The following METTL9 variants were observed in gnomAD, a reference collection of about 807,000 sequenced individuals.
METTL9 encodes protein-L-histidine N-pros-methyltransferase.
Under a neutral mutation model 36.0 loss-of-function variants are expected in METTL9, and 10 were observed. The ratio of observed to expected loss-of-function variants is 0.28; its 90% CI spans 0.17 to 0.47. METTL9 has a LOEUF of 0.47. Ranked by LOEUF, METTL9 falls within the 20% of genes least tolerant of loss-of-function variation. METTL9 has a pLI of 0.99. For missense variants in METTL9, 246 were observed against 383.5 expected (o/e 0.64, Z 3.00); for synonymous variants, 175 against 149.7 (o/e 1.17, Z -1.23).
chr16:21,599,740 C>G lies in METTL9; in HGVS notation c.7C>G (p.Leu3Val), dbSNP rs374914566. Residue 3 changes from leucine to valine, a missense_variant, in exon 1 of 5, where the codon CTG becomes GTG. Coordinates refer to ENST00000358154, the MANE Select transcript of METTL9 (RefSeq NM_016025.5). The surrounding 1 kb of genome is among the most constrained non-coding windows in gnomAD (Gnocchi z 4.4). Reference sequence around the variant, plus strand: ...CGAGCGGCCGCGGCCCCCGATGAGACTGCTGGCGGGCTGGCTGTGCCTGAG... The same window carrying G: ...CGAGCGGCCGCGGCCCCCGATGAGAGTGCTGGCGGGCTGGCTGTGCCTGAG... Reference protein sequence around the residue: MRLLAGWLCLSLA... With the variant: MRVLAGWLCLSLA... 2.0e-5 allele frequency: 30 copies of G among 1,520,248 alleles called. No individual in the cohort carries two copies. In the African/African-American group the frequency reaches 4.0e-4, roughly 20 times the overall value. 94.2% of individuals were successfully genotyped at this position (1,520,248 alleles called of 1,614,324 possible). A position where few individuals can be genotyped will look rare whatever the true frequency, so the allele number is the denominator to read the frequency against.
chr16:21,655,206 G>C, intron 4 of METTL9, 21 bp from the exon 5 acceptor site: 1 of 1,602,376 alleles, frequency 6.2e-7, no homozygotes, highest in Non-Finnish European at 8.5e-7. Flanking sequence ...GAATTTAACT[G>C]AATGTTCTTA....
At chr16:21,636,979 C>T (rs554407495) in intron 4 of METTL9, among the ~76,000 whole-genome samples, 6 of 152,258 alleles carry the variant, frequency 3.9e-5, no homozygotes, top group East Asian at 3.9e-4. Flanking sequence ...TTCTTGGTCT[C>T]GCTGACTTCA....
Position 21,599,605 on chromosome 16 carries a change from G to T in METTL9, c.-129G>T, listed in dbSNP as rs984188796. The T allele has an allele frequency of 5.3e-6, 7 of 1,318,534 alleles. No homozygotes were observed. Among genetic ancestry groups the T allele is most frequent in the African/African-American group, 1.6e-5 (1 of 64,108 alleles). 81.7% of individuals were successfully genotyped at this position (1,318,534 alleles called of 1,614,324 possible). ...CCCACCCCCAGCCTTTGCCCTGAAG[G>T]GGGCTGGATGGGCAAGGCGGCCGCG... On this transcript the variant is annotated 5_prime_UTR_variant, in exon 1 of 5. Coordinates refer to ENST00000358154, the MANE Select transcript of METTL9 (RefSeq NM_016025.5). The surrounding 1 kb of genome is among the most constrained non-coding windows in gnomAD (Gnocchi z 4.4).
chr16:21,643,228 TTTC>T, intron 4 of METTL9: 1 of 1,153,196 alleles, frequency 8.7e-7, no homozygotes, highest in Non-Finnish European at 1.3e-6. Flanking sequence ...CATCAGAACT[TTTC>T]TTGCTCTATT....
chr16:21,617,450 A>C (rs912009374), intron 2 of METTL9, among the ~76,000 whole-genome samples: 2 of 135,264 alleles, frequency 1.5e-5, no homozygotes, highest in African/African-American at 2.8e-5. Context: ...AAATTAGGCC[A>C]GGCGCAGTGG....
chr16:21,642,961 C>A, intron 4 of METTL9: 1 of 663,980 alleles, frequency 1.5e-6, no homozygotes, highest in Non-Finnish European at 2.6e-6. Flanking sequence ...TGAAAGTTCT[C>A]TTTCAGACTC....
Position 21,617,847 on chromosome 16 carries a change from G to A in METTL9, c.357-18G>A. ...AATTTGCATAGACACTTCCATTTTT[G>A]TCCTTTTTTTCTTTCAGGTTGCTAG... On this transcript the variant is annotated intron_variant, in intron 2 of 4. Coordinates refer to ENST00000358154, the MANE Select transcript of METTL9 (RefSeq NM_016025.5). 1 of 1,609,468 alleles carries A rather than the reference G, an allele frequency of 6.2e-7. No homozygotes were observed. The highest frequency in any genetic ancestry group is 8.5e-7 in the Non-Finnish European group (1 of 1,176,118).
At chr16:21,654,029 C>CTTTT (rs1966644945) in intron 4 of METTL9, 1 of 141,588 alleles carries the variant, frequency 7.1e-6, no homozygotes, top group African/African-American at 2.7e-5. Flanking sequence ...TATTCTCAGT[C>CTTTT]TGTTTTGTTT....
intron 4 of METTL9, among the ~76,000 whole-genome samples, chr16:21,648,095 C>A (rs540329724): frequency 6.6e-6 from 1 of 152,156 alleles, no homozygotes; most frequent in African/African-American, 2.4e-5. Flanking sequence ...GGAAATGCAG[C>A]CCTGGCTTAG....
intron 4 of METTL9, chr16:21,642,162 T>A (rs1966288833): frequency 6.6e-6 from 1 of 151,754 alleles, no homozygotes; most frequent in Non-Finnish European, 1.5e-5. Context: ...CATATTTTTT[T>A]AAAAAGAAAA....
chr16:21,601,932 T>C (rs1420856047), intron 1 of METTL9, among the ~76,000 whole-genome samples: 1 of 152,128 alleles, frequency 6.6e-6, no homozygotes, highest in Non-Finnish European at 1.5e-5. Flanking sequence ...TGAATAAAGA[T>C]TAAAAGGAAC....
intron 4 of METTL9, 103 bp downstream of exon 4, chr16:21,625,218 A>G: frequency 7.8e-7 from 1 of 1,283,500 alleles, no homozygotes; most frequent in Non-Finnish European, 1.1e-6. Context: ...ATGTCTTATA[A>G]TAGCCTGCAG....
chr16:21,631,232 T>G (rs1035432899), intron 4 of METTL9, among the ~76,000 whole-genome samples: 3 of 152,192 alleles, frequency 2.0e-5, no homozygotes, highest in Non-Finnish European at 2.9e-5. Flanking sequence ...GTTGTATGGC[T>G]CTGTGCTGAC....
chr16:21,640,639 T>C (rs6497559), intron 4 of METTL9: 140,142 of 146,570 alleles, frequency 0.96, 67,042 homozygotes, highest in East Asian at 1. Context: ...TGGTGGTGCG[T>C]ACCTGTAATC....
chr16:21,603,292 G>A (rs988026275), intron 1 of METTL9, among the ~76,000 whole-genome samples: 2 of 152,024 alleles, frequency 1.3e-5, no homozygotes, highest in South Asian at 2.1e-4. Context: ...GCACGTGCCA[G>A]CACACCTGGT....
intron 4 of METTL9, among the ~76,000 whole-genome samples, chr16:21,643,320 A>G (rs1224474899): frequency 6.6e-6 from 1 of 152,160 alleles, no homozygotes; most frequent in Non-Finnish European, 1.5e-5. Context: ...AGAACTTTAA[A>G]TATAATTTAT....
chr16:21,613,168 C>CTTTTTTTTTTTTTTTTTTTTTTTT (rs57388340), intron 2 of METTL9, among the ~76,000 whole-genome samples: 3 of 91,428 alleles, frequency 3.3e-5, no homozygotes, highest in East Asian at 3.5e-4. Context: ...TGAGAGTCTG[C>CTTTTTTTTTTTTTTTTTTTTTTTT]TTTTTTTTTT....
At chr16:21,641,779 T>C (rs1360411870) in intron 4 of METTL9, among the ~76,000 whole-genome samples, 1 of 151,946 alleles carries the variant, frequency 6.6e-6, no homozygotes. Context: ...AACTGAAAAA[T>C]ACTTTTTTTT....
chr16:21,628,928 C>T (rs1451885029), intron 4 of METTL9, among the ~76,000 whole-genome samples: 2 of 143,488 alleles, frequency 1.4e-5, no homozygotes, highest in Non-Finnish European at 3.0e-5. Flanking sequence ...CTCACTCTGT[C>T]ACCGAGGATG....
Sources: gnomAD v4.1 joint callset for allele counts (sites outside exome capture counted in the v4.1 genomes callset) on GRCh38, gnomAD v4.1.1 for gene constraint, Gnocchi (gnomAD v3.1) non-coding constraint, MANE v1.5 for transcripts, NCBI Gene and HGNC (gene_info 2026-07-23, HGNC 2026-07-21) for gene names.